Variants in TLK1 observed in about 807,000 individuals in gnomAD.
TLK1 encodes serine/threonine-protein kinase tousled-like 1.
Under a neutral mutation model 105.3 loss-of-function variants are expected in TLK1, and 24 were observed. That is an observed-to-expected ratio of 0.23 (90% CI 0.17 to 0.32). The LOEUF (loss-of-function observed/expected upper bound fraction) is 0.32. TLK1 is among the 10% of genes least tolerant of loss of function. TLK1 has a pLI of 1.00. For missense variants in TLK1, 558 were observed against 910.5 expected (o/e 0.61, Z 4.98); for synonymous variants, 321 against 310.4 (o/e 1.03, Z -0.36).
At chr2:171,229,286 A>T (rs957455390) in intron 1 of TLK1, among the ~76,000 whole-genome samples, 1 of 152,172 alleles carries the variant, frequency 6.6e-6, no homozygotes, top group African/African-American at 2.4e-5. Context: ...GATCCCTGCC[A>T]CACAGCCTCA....
rs1298019334 is a variant in TLK1 at position 171,160,542 on chromosome 2, G to C, written c.-114C>G. The stretch of plus-strand genomic sequence containing the variant: ...CGCTGAGGGCGAGCGAGAGAGCGAG[G>C]GCTGGGAGGGGAGAGTCAAGGGGAT... On this transcript the variant is annotated 5_prime_UTR_variant, in exon 1 of 21. Coordinates refer to ENST00000431350, the MANE Select transcript of TLK1 (RefSeq NM_012290.5). The surrounding 1 kb of genome is among the most constrained non-coding windows in gnomAD (Gnocchi z 4.4). 55 of 1,543,118 alleles carry C rather than the reference G, an allele frequency of 3.6e-5. No individual in the cohort carries two copies. Among genetic ancestry groups the C allele is most frequent in the Non-Finnish European group, 4.7e-5 (54 of 1,149,494 alleles).
chr2:171,177,472 T>C (rs1471040481), intron 1 of TLK1, among the ~76,000 whole-genome samples: 2 of 151,752 alleles, frequency 1.3e-5, no homozygotes, highest in Non-Finnish European at 2.9e-5. Flanking sequence ...ACAGAACAAG[T>C]ACTGCTACCT....
At chr2:171,156,123 T>C (rs1256034190) in intron 1 of TLK1, among the ~76,000 whole-genome samples, 1 of 152,180 alleles carries the variant, frequency 6.6e-6, no homozygotes, top group African/African-American at 2.4e-5. Context: ...TGAATTTTGA[T>C]GTAATACCAA....
At chr2:171,096,359 T>C (rs538917623) in intron 2 of TLK1, among the ~76,000 whole-genome samples, 1 of 152,102 alleles carries the variant, frequency 6.6e-6, no homozygotes, top group African/African-American at 2.4e-5. Context: ...AAACTTTTTT[T>C]AAAATCCCAC....
chr2:171,028,895 T>G (rs1685905491), intron 11 of TLK1, among the ~76,000 whole-genome samples: 1 of 152,168 alleles, frequency 6.6e-6, no homozygotes, highest in Non-Finnish European at 1.5e-5. Flanking sequence ...CAAAAAAGGA[T>G]GGTATGGTAA....
Position 171,073,871 on chromosome 2 carries a change from T to TC in TLK1, c.330+8909_330+8910insG, listed in dbSNP as rs1558925527. ...AACAGAGAAGAGAATAAACTTAACA[T>TC]TCCCCCCCCCCCTCCTTTTTTTTTC... On this transcript the variant is annotated intron_variant, in intron 3 of 20. Transcript: ENST00000431350. 7.9e-5 allele frequency among the ~76,000 whole-genome samples: 4 copies of TC among 50,582 alleles called. No homozygotes were observed. The Admixed American group carries it at 1.1e-3, about 14-fold the overall frequency. 33.2% of individuals were successfully genotyped at this position (50,582 alleles called of 152,430 possible). A position where few individuals can be genotyped will look rare whatever the true frequency, so the allele number is the denominator to read the frequency against.
intron 2 of TLK1, among the ~76,000 whole-genome samples, chr2:171,103,403 G>A (rs1211260323): frequency 2.0e-5 from 3 of 151,774 alleles, no homozygotes; most frequent in Non-Finnish European, 4.4e-5. Context: ...TCGGATTCCT[G>A]AGTAGATGGG....
intron 8 of TLK1, among the ~76,000 whole-genome samples, chr2:171,050,885 T>C (rs951721805): frequency 6.6e-5 from 10 of 152,222 alleles, no homozygotes; most frequent in African/African-American, 2.2e-4. Context: ...AGGAAGGACC[T>C]GAAAATTTCC....
chr2:171,093,043 C>G (rs977728221), intron 2 of TLK1, among the ~76,000 whole-genome samples: 3 of 152,180 alleles, frequency 2.0e-5, no homozygotes, highest in Non-Finnish European at 4.4e-5. Flanking sequence ...CCCCAGTACT[C>G]TTAAAAATAT....
rs1056143606 is a variant in TLK1, at chr2:171,026,332, T to G, written c.1236+2007A>C. On this transcript the variant is annotated intron_variant, in intron 12 of 20. Transcript: ENST00000431350. ...ATACCTTACTTTATAAAAGTGTTTT[T>G]CACAGAAACCAGTATTTTCAAAGTA... 3.9e-5 allele frequency among the ~76,000 whole-genome samples: 6 copies of G among 152,136 alleles called. 1 individual carries two copies. Among genetic ancestry groups the G allele is most frequent in the African/African-American group, 1.4e-4 (6 of 41,464 alleles).
chr2:171,074,974 C>T (rs933594095), intron 3 of TLK1, among the ~76,000 whole-genome samples: 4 of 151,366 alleles, frequency 2.6e-5, no homozygotes, highest in South Asian at 2.1e-4. Flanking sequence ...AACAGTAAAT[C>T]GATTTTTAAA....
intron 3 of TLK1, among the ~76,000 whole-genome samples, chr2:171,064,821 A>G (rs1687913731): frequency 6.6e-6 from 1 of 152,216 alleles, no homozygotes; most frequent in Admixed American, 6.5e-5. Flanking sequence ...CTACTCTGGC[A>G]TTTAGAGATT....
At chr2:171,042,571 T>C (rs193064250) in intron 11 of TLK1, among the ~76,000 whole-genome samples, 1 of 152,254 alleles carries the variant, frequency 6.6e-6, no homozygotes, top group East Asian at 1.9e-4. Context: ...TGTAATTTAG[T>C]ATTGACCACT....
intron 20 of TLK1, among the ~76,000 whole-genome samples, chr2:170,995,708 CT>C (rs1199215175): frequency 1.1e-4 from 17 of 152,112 alleles, no homozygotes; most frequent in Non-Finnish European, 1.3e-4. Context: ...ATATTTATCT[CT>C]TTTGTTTTTT....
Position 171,046,264 on chromosome 2 carries a change from GGT to G in TLK1, c.1077_1078del (p.Pro360LeufsTer5). The G allele has an allele frequency of 6.2e-7, 1 of 1,613,540 alleles. No homozygotes were observed. ...TTGTTTTGGTTCAGAATTGGTAGAG[GGT>G]GCCTGAGAATTATTAGCTGTGGGAG... On this transcript the variant is annotated frameshift_variant, in exon 11 of 21. Transcript: ENST00000431350. LOFTEE classifies it high-confidence loss of function.
intron 12 of TLK1, among the ~76,000 whole-genome samples, chr2:171,018,706 T>C (rs1685325661): frequency 6.6e-6 from 1 of 152,222 alleles, no homozygotes; most frequent in Non-Finnish European, 1.5e-5. Flanking sequence ...ATCAGCTAAG[T>C]TGTGCTTAGT....
At chr2:171,057,122 G>C (rs1396433917) in intron 5 of TLK1, among the ~76,000 whole-genome samples, 5 of 152,008 alleles carry the variant, frequency 3.3e-5, no homozygotes, top group Non-Finnish European at 5.9e-5. Context: ...GCATGACTTA[G>C]CTGCATATGA....
At chr2:171,031,280 A>G (rs1291695810) in intron 11 of TLK1, among the ~76,000 whole-genome samples, 2 of 152,196 alleles carry the variant, frequency 1.3e-5, no homozygotes, top group Admixed American at 1.3e-4. Flanking sequence ...GTATTAATCA[A>G]AAACGTTTTT....
At chr2:171,142,754 G>T (rs1400061457) in intron 1 of TLK1, among the ~76,000 whole-genome samples, 1 of 152,202 alleles carries the variant, frequency 6.6e-6, no homozygotes, top group African/African-American at 2.4e-5. Context: ...AAACTTGATA[G>T]AACATATTAC....
Sources: allele counts gnomAD v4.1 joint callset (sites outside exome capture counted in the v4.1 genomes callset), GRCh38; gene constraint gnomAD v4.1.1; non-coding constraint Gnocchi (gnomAD v3.1); transcripts MANE v1.5; gene names NCBI Gene and HGNC (gene_info 2026-07-23, HGNC 2026-07-21).